NCAM2: variants seen among roughly 807,000 people sequenced by gnomAD.
NCAM2 encodes the protein neural cell adhesion molecule 2, also known as N-CAM-2.
A neutral mutation model predicts 98.1 loss-of-function variants in NCAM2; 30 were observed. The observed-to-expected ratio is 0.31, with a 90% CI of 0.23 to 0.41. NCAM2 has a LOEUF of 0.41. Among genes scored for constraint, NCAM2 ranks in the 10% least tolerant of loss-of-function variants. The probability of loss-of-function intolerance (pLI) is 1.00; values close to 1 mark genes in which losing one functional copy is unlikely to be tolerated. For missense variants in NCAM2, 867 were observed against 1,005.8 expected, an observed-to-expected ratio of 0.86 and a Z score of 1.87; for synonymous variants, 368 against 342.4, an observed-to-expected ratio of 1.07 and a Z score of -0.83.
Position 20,998,598 on chromosome 21 carries a change from T to A in NCAM2, c.35T>A (p.Leu12Ter), listed in dbSNP as rs2063961942. The A allele has an allele frequency of 1.2e-6, 2 of 1,614,156 alleles. No individual in the cohort carries two copies. The highest frequency in any genetic ancestry group is 1.7e-6 in the Non-Finnish European group (2 of 1,180,016). Residue 12 changes from leucine (L) to a stop codon, truncating the protein, a stop_gained, in exon 1 of 18, where the codon TTG becomes TAG. Transcript: ENST00000400546. LOFTEE classifies it high-confidence loss of function. ...CTCCTCTCCTTCTACCTGCTGGGGT[T>A]GCTTGTCAGTAGCGGGCAAGGTAGG... ...SLLLSFYLLG[L>*]LVSSGQALLQ...
chr21:21,498,854 A>G (rs1409254617), intron 15 of NCAM2, among the ~76,000 whole-genome samples: 1 of 152,198 alleles, frequency 6.6e-6, no homozygotes, highest in Non-Finnish European at 1.5e-5. Context: ...AATGATCACA[A>G]AAACGTAATA....
intron 1 of NCAM2, among the ~76,000 whole-genome samples, chr21:21,058,015 T>C (rs1054319392): frequency 1.3e-5 from 2 of 151,964 alleles, no homozygotes; most frequent in African/African-American, 2.4e-5. Flanking sequence ...TTCTATATGA[T>C]TGAACATAAT....
intron 12 of NCAM2, among the ~76,000 whole-genome samples, chr21:21,433,891 A>G (rs555926809): frequency 6.6e-6 from 1 of 152,066 alleles, no homozygotes; most frequent in South Asian, 2.1e-4. Flanking sequence ...GTTTGTGCTC[A>G]AGCACAAGCA....
At chr21:21,296,311 A>G (rs1158419862) in intron 5 of NCAM2, among the ~76,000 whole-genome samples, 3 of 151,882 alleles carry the variant, frequency 2.0e-5, no homozygotes, top group Admixed American at 1.3e-4. Context: ...ACAGGAGAGT[A>G]CCTTGGTATT....
chr21:21,212,301 A>G, intron 1 of NCAM2, among the ~76,000 whole-genome samples: 1 of 152,222 alleles, frequency 6.6e-6, no homozygotes. Flanking sequence ...CCAATTCAAA[A>G]AAGTTGTATA....
At position 21,432,680 on chromosome 21, in the gene NCAM2, T is replaced by C. The variant is rs528634490; in HGVS notation, c.1654+399T>C. Among the ~76,000 whole-genome samples, 1,274 of 152,204 alleles carry C rather than the reference T, an allele frequency of 8.4e-3. 5 individuals carry two copies. The highest frequency in any genetic ancestry group is 0.014 in the Middle Eastern group (4 of 294). On this transcript the variant is annotated intron_variant, in intron 12 of 17. Transcript: ENST00000400546. ...AAAATGTAGTTACCTTCTATACTTA[T>C]GAAGCCATCTCTAAAAATCTGTAGA...
At chr21:21,211,251 C>T (rs987540736) in intron 1 of NCAM2, among the ~76,000 whole-genome samples, 2 of 152,134 alleles carry the variant, frequency 1.3e-5, no homozygotes, top group African/African-American at 4.8e-5. Flanking sequence ...TCTTGCTTAT[C>T]AGAAGCATGT....
At chr21:21,399,832 C>T (rs975906943) in intron 9 of NCAM2, among the ~76,000 whole-genome samples, 3 of 152,264 alleles carry the variant, frequency 2.0e-5, no homozygotes, top group African/African-American at 7.2e-5. Context: ...TCTTAGGTCA[C>T]AGTTACCAAC....
chr21:21,274,493 G>A (rs1601837546), intron 1 of NCAM2, among the ~76,000 whole-genome samples: 1 of 151,996 alleles, frequency 6.6e-6, no homozygotes, highest in Admixed American at 6.6e-5. Context: ...AACACACATA[G>A]GCTGTTGTAA....
chr21:21,243,991 A>G (rs2071169039), intron 1 of NCAM2, among the ~76,000 whole-genome samples: 2 of 152,168 alleles, frequency 1.3e-5, no homozygotes, highest in Admixed American at 1.3e-4. Flanking sequence ...GAGTCAGTAG[A>G]TCAGGGAATA....
chr21:21,144,922 G>T (rs1330478049), intron 1 of NCAM2, among the ~76,000 whole-genome samples: 1 of 152,036 alleles, frequency 6.6e-6, no homozygotes, highest in Admixed American at 6.6e-5. Flanking sequence ...AAATGTCAGG[G>T]GTCGCCGTGT....
chr21:21,145,430 AATG>A (rs1251380778), intron 1 of NCAM2, among the ~76,000 whole-genome samples: 3 of 152,218 alleles, frequency 2.0e-5, no homozygotes, highest in African/African-American at 7.2e-5. Context: ...GTGTCACCAC[AATG>A]ATGATAACAA....
chr21:21,244,355 A>G (rs1208827935), intron 1 of NCAM2, among the ~76,000 whole-genome samples: 4 of 152,356 alleles, frequency 2.6e-5, no homozygotes, highest in South Asian at 4.1e-4. Context: ...GTAGTCAAAT[A>G]CAGTACACAA....
At chr21:21,230,255 C>G (rs1353906556) in intron 1 of NCAM2, among the ~76,000 whole-genome samples, 1 of 151,112 alleles carries the variant, frequency 6.6e-6, no homozygotes, top group Non-Finnish European at 1.5e-5. Context: ...AATCATTTTT[C>G]TATATTCATC....
At chr21:21,535,777 G>GA (rs999769558) in intron 17 of NCAM2, among the ~76,000 whole-genome samples, 22 of 151,346 alleles carry the variant, frequency 1.5e-4, no homozygotes, top group African/African-American at 5.3e-4. Context: ...TATATTTTGG[G>GA]AAAAAAGGGT....
At chr21:21,159,249 T>G (rs548934934) in intron 1 of NCAM2, among the ~76,000 whole-genome samples, 1 of 152,176 alleles carries the variant, frequency 6.6e-6, no homozygotes, top group South Asian at 2.1e-4. Flanking sequence ...TTTTAAAAAA[T>G]AAAAAAGTTA....
intron 12 of NCAM2, among the ~76,000 whole-genome samples, chr21:21,458,541 A>G (rs1982490076): frequency 6.6e-6 from 1 of 152,034 alleles, no homozygotes; most frequent in Admixed American, 6.6e-5. Flanking sequence ...TATTAGATAG[A>G]CCTCAGAGAG....
intron 14 of NCAM2, 138 bp downstream of exon 14, chr21:21,468,921 A>T (rs1984071766): frequency 2.7e-6 from 2 of 743,384 alleles, no homozygotes; most frequent in Non-Finnish European, 2.0e-6. Flanking sequence ...TCCATTCCTG[A>T]CAGTCATCAT....
rs575832021 is a variant in NCAM2, at chr21:21,303,739, G to A, written c.619+11498G>A. On this transcript the variant is annotated intron_variant, in intron 5 of 17. Coordinates refer to ENST00000400546, the MANE Select transcript of NCAM2 (RefSeq NM_004540.5). ...TTTTACCTTCCCCAAAGCAGTGTAC[G>A]GGTATTTCGGGTATTTCACTTGCTC... Among the ~76,000 whole-genome samples, 15 of 152,122 alleles carry A rather than the reference G, an allele frequency of 9.9e-5. No homozygotes were observed. The South Asian group carries it at 2.7e-3, about 27-fold the overall frequency.
Sources: gnomAD v4.1 joint callset for allele counts (sites outside exome capture counted in the v4.1 genomes callset) on GRCh38, gnomAD v4.1.1 for gene constraint, MANE v1.5 for transcripts, NCBI Gene and HGNC (gene_info 2026-07-23, HGNC 2026-07-21) for gene names.